The following GRK3 variants were observed in gnomAD, a reference collection of about 807,000 sequenced individuals.
GRK3 encodes adrenergic, beta, receptor kinase 2.
GRK3 carries 54 observed loss-of-function variants against 95.7 expected under a neutral mutation model. That is an observed-to-expected ratio of 0.56 (90% CI 0.45 to 0.71). The LOEUF is 0.71. Ranked by LOEUF, GRK3 falls within the 30% of genes least tolerant of loss-of-function variation. GRK3 has a pLI of 0.00. For missense variants in GRK3, 649 were observed against 851.2 expected (o/e 0.76, Z 2.96); for synonymous variants, 281 against 290.8 (o/e 0.97, Z 0.34).
chr22:25,600,461 G>T (rs568360661), intron 1 of GRK3, among the ~76,000 whole-genome samples: 83 of 152,200 alleles, frequency 5.5e-4, no homozygotes, highest in Admixed American at 7.2e-4. Flanking sequence ...TTGCATCTGG[G>T]TATTCAACCA....
At chr22:25,679,106 G>T (rs2085055166) in intron 9 of GRK3, among the ~76,000 whole-genome samples, 191 bp downstream of exon 9, 1 of 152,144 alleles carries the variant, frequency 6.6e-6, no homozygotes, top group Non-Finnish European at 1.5e-5. Flanking sequence ...CACACCCATG[G>T]CTTCTCCGTT....
chr22:25,657,466 T>C (rs182011520), intron 3 of GRK3, among the ~76,000 whole-genome samples: 26 of 152,312 alleles, frequency 1.7e-4, no homozygotes, highest in Admixed American at 2.6e-4. Flanking sequence ...CTTCACTGGA[T>C]ATTAATACAG....
intron 2 of GRK3, among the ~76,000 whole-genome samples, chr22:25,611,095 C>T (rs1179101374): frequency 2.0e-5 from 3 of 152,172 alleles, no homozygotes; most frequent in Non-Finnish European, 4.4e-5. Flanking sequence ...CTCCTGACCT[C>T]AAGCCATCTA....
chr22:25,649,077 C>G, intron 3 of GRK3: 1 of 1,527,130 alleles, frequency 6.5e-7, no homozygotes, highest in Non-Finnish European at 9.1e-7. Flanking sequence ...ATACAGGATG[C>G]CTTGCCCTCA....
At chr22:25,660,238 A>T (rs759651379) in intron 3 of GRK3, among the ~76,000 whole-genome samples, 4 of 152,190 alleles carry the variant, frequency 2.6e-5, no homozygotes, top group Non-Finnish European at 5.9e-5. Flanking sequence ...CACATCTGGT[A>T]TGGTGCTTGG....
Position 25,678,874 on chromosome 22 carries a change from G to T in GRK3, c.706G>T (p.Ala236Ser). 1 of 1,609,062 alleles carries T rather than the reference G, an allele frequency of 6.2e-7. No homozygotes were observed. Among genetic ancestry groups the T allele is most frequent in the South Asian group, 1.1e-5 (1 of 90,314 alleles). Residue 236 changes from alanine to serine, a missense_variant, in exon 9 of 21, where the codon GCC becomes TCC. Physicochemically the swap from Ala to Ser is moderately conservative, Grantham distance 99. Transcript: ENST00000324198. ...CAAAATGAAACAAGGAGAAACATTA[G>T]CCTTAAATGAAAGAATCATGTTGTC... is the stretch of plus-strand genomic sequence containing the variant. The part of the protein sequence containing the change: ...RIKMKQGETL[A>S]LNERIMLSLV...
At chr22:25,613,556 A>C (rs1428001227) in intron 2 of GRK3, among the ~76,000 whole-genome samples, 1 of 148,920 alleles carries the variant, frequency 6.7e-6, no homozygotes, top group Non-Finnish European at 1.5e-5. Context: ...TTCAGGCAGT[A>C]ACGGGAGCCT....
intron 13 of GRK3, among the ~76,000 whole-genome samples, chr22:25,701,091 A>G (rs936386887): frequency 1.3e-5 from 2 of 152,214 alleles, no homozygotes; most frequent in African/African-American, 4.8e-5. Flanking sequence ...AGAAAGCTGC[A>G]CTTGACCACA....
Position 25,685,247 on chromosome 22 carries a change from C to T in GRK3, c.825C>T (p.Asn275=), listed in dbSNP as rs567132756. 31 of 1,609,826 alleles carry T rather than the reference C, an allele frequency of 1.9e-5. No homozygotes were observed. The highest frequency in any genetic ancestry group is 1.8e-4 in the East Asian group (8 of 44,824). The change falls in exon 10 of 21, where the codon AAC becomes AAT. Residue 275 remains asparagine, a splice_region_variant and synonymous_variant. Transcript: ENST00000324198. The stretch of plus-strand genomic sequence containing the variant: ...TCTGCTTCATCCTGGATCTGATGAA[C>T]GGTAAGCAAAACTTGGAAAATCTGA... The part of the protein sequence containing the change: ...DKLCFILDLM[N]GGDLHYHLSQ...
chr22:25,720,300 T>TA (rs546221153), intron 19 of GRK3, among the ~76,000 whole-genome samples: 12 of 152,256 alleles, frequency 7.9e-5, no homozygotes, highest in African/African-American at 2.9e-4. Context: ...CTACATAATA[T>TA]GCATGAGCAG....
chr22:25,710,006 C>G, intron 16 of GRK3, 42 bp downstream of exon 16: 1 of 1,360,630 alleles, frequency 7.3e-7, no homozygotes, highest in Non-Finnish European at 1.1e-6. Context: ...ACTGCCGCCC[C>G]GCCCTTACCC....
Position 25,667,699 on chromosome 22 carries a change from C to G in GRK3, c.442-40C>G, listed in dbSNP as rs373998869. On this transcript the variant is annotated intron_variant, in intron 5 of 20. Transcript: ENST00000324198. ...TGGTTTGTGTTTTTTTGATACATTCCGATTCATTCACCGTGGAATTTCTTT... is the reference window on the plus strand; with the variant it reads ...TGGTTTGTGTTTTTTTGATACATTCGGATTCATTCACCGTGGAATTTCTTT... 5.5e-6 allele frequency: 8 copies of G among 1,453,078 alleles called. No homozygotes were observed. In the African/African-American group the frequency reaches 1.1e-4, roughly 20 times the overall value. 90.0% of individuals were successfully genotyped at this position (1,453,078 alleles called of 1,614,324 possible).
intron 1 of GRK3, among the ~76,000 whole-genome samples, chr22:25,577,811 C>T (rs1931958538): frequency 6.6e-6 from 1 of 152,138 alleles, no homozygotes; most frequent in Admixed American, 6.5e-5. Context: ...ACATAGGTGC[C>T]TTTGGGTCTA....
intron 3 of GRK3, among the ~76,000 whole-genome samples, chr22:25,645,374 T>C (rs185181732): frequency 6.6e-6 from 1 of 152,338 alleles, no homozygotes; most frequent in East Asian, 1.9e-4. Flanking sequence ...AGCAGGCAGA[T>C]GGGCATCCAG....
At chr22:25,681,800 G>C (rs77263742) in intron 9 of GRK3, among the ~76,000 whole-genome samples, 5 of 152,172 alleles carry the variant, frequency 3.3e-5, no homozygotes, top group African/African-American at 9.7e-5. Context: ...AAAGTAGACA[G>C]TTCCTTGCTC....
intron 6 of GRK3, among the ~76,000 whole-genome samples, chr22:25,670,998 G>T (rs1043039197): frequency 2.2e-5 from 3 of 138,626 alleles, no homozygotes; most frequent in African/African-American, 8.2e-5. Context: ...AGTTTGCAGT[G>T]AGCTGAGATC....
chr22:25,673,900 C>T (rs1269793739), intron 7 of GRK3, among the ~76,000 whole-genome samples: 1 of 151,888 alleles, frequency 6.6e-6, no homozygotes, highest in Non-Finnish European at 1.5e-5. Flanking sequence ...AGCATGAGTC[C>T]TCTCTATTCA....
At chr22:25,615,620 T>C (rs1248310782) in intron 2 of GRK3, among the ~76,000 whole-genome samples, 34 of 148,816 alleles carry the variant, frequency 2.3e-4, no homozygotes, top group African/African-American at 8.3e-4. Context: ...AATTTAACTA[T>C]GTGCCATACC....
Position 25,614,977 on chromosome 22 carries a change from C to T in GRK3, c.190+10524C>T, listed in dbSNP as rs182132323. On this transcript the variant is annotated intron_variant, in intron 2 of 20. Transcript: ENST00000324198. ...GGACAGCAAAATGTGTGTGGAAGTG[C>T]ACAGACCTCTGACATTCCAGTACTG... 3.2e-4 allele frequency among the ~76,000 whole-genome samples: 48 copies of T among 152,320 alleles called. 1 individual carries two copies. The East Asian group carries it at 7.7e-3, about 24-fold the overall frequency.
Sources: gnomAD v4.1 joint callset for allele counts (sites outside exome capture counted in the v4.1 genomes callset) on GRCh38, gnomAD v4.1.1 for gene constraint, MANE v1.5 for transcripts, NCBI Gene and HGNC (gene_info 2026-07-23, HGNC 2026-07-21) for gene names.